NECTIN1: variants seen among roughly 807,000 people sequenced by gnomAD.
NECTIN1 encodes nectin-1.
NECTIN1 carries 23 observed loss-of-function variants against 48.0 expected under a neutral mutation model. The observed-to-expected ratio is 0.48, with a 90% confidence interval of 0.34 to 0.68. The LOEUF (loss-of-function observed/expected upper bound fraction) is 0.68. NECTIN1 is among the 30% of genes least tolerant of loss of function. NECTIN1 has a pLI of 0.01. For synonymous variants in NECTIN1, 270 were observed against 288.9 expected, an observed-to-expected ratio of 0.93 and a Z score of 0.66; for missense variants, 591 against 709.9, an observed-to-expected ratio of 0.83 and a Z score of 1.90.
intron 1 of NECTIN1, among the ~76,000 whole-genome samples, chr11:119,722,472 G>A (rs1865847866): frequency 6.6e-6 from 1 of 152,226 alleles, no homozygotes; most frequent in Admixed American, 6.5e-5. Context: ...AAGAAGGCAG[G>A]GGCTGAGTCC....
intron 1 of NECTIN1, among the ~76,000 whole-genome samples, chr11:119,710,902 A>G (rs1191703751): frequency 6.6e-6 from 1 of 152,198 alleles, no homozygotes; most frequent in East Asian, 1.9e-4. Flanking sequence ...CTTCACACAC[A>G]CATAACCGCA....
chr11:119,703,950 C>T (rs2135573180), intron 1 of NECTIN1, among the ~76,000 whole-genome samples: 1 of 152,320 alleles, frequency 6.6e-6, no homozygotes, highest in South Asian at 2.1e-4. Flanking sequence ...AGAGAGTGGC[C>T]TTTATCATGC....
rs79287643 is a variant in NECTIN1, at chr11:119,712,580, C to A, written c.79+15895G>T. ...AAAAAGAGGGAAACTTCAAAATCTTCAAAAAAAAAGGGGAAGGAGGCAACT... is the reference window on the plus strand; with the variant it reads ...AAAAAGAGGGAAACTTCAAAATCTTAAAAAAAAAAGGGGAAGGAGGCAACT... On this transcript the variant is annotated intron_variant, in intron 1 of 5. Coordinates refer to ENST00000264025, the MANE Select transcript of NECTIN1 (RefSeq NM_002855.5). Among the ~76,000 whole-genome samples, 8 of 150,616 alleles carry A rather than the reference C, an allele frequency of 5.3e-5. No homozygotes were observed. In the South Asian group the frequency reaches 1.7e-3, roughly 32 times the overall value.
chr11:119,648,825 G>T (rs1433771710), intron 5 of NECTIN1, among the ~76,000 whole-genome samples: 1 of 152,064 alleles, frequency 6.6e-6, no homozygotes, highest in Non-Finnish European at 1.5e-5. Flanking sequence ...TTTTCCCTGA[G>T]GGTGGGAATT....
In NECTIN1 at chr11:119,664,639, T is replaced by C. The variant is rs1463961663; in HGVS notation, c.*108A>G. 2 of 1,409,242 alleles carry C rather than the reference T, an allele frequency of 1.4e-6. No individual in the cohort carries two copies. Among genetic ancestry groups the C allele is most frequent in the Non-Finnish European group, 1.8e-6 (2 of 1,089,410 alleles). 87.3% of individuals were successfully genotyped at this position (1,409,242 alleles called of 1,614,324 possible). ...GAGTTCGGGGCTGGCTTTGGGCAGCTGGGCAAGTCTCTGTTCAGCTCCTGG... is the reference window on the plus strand; with the variant it reads ...GAGTTCGGGGCTGGCTTTGGGCAGCCGGGCAAGTCTCTGTTCAGCTCCTGG... On this transcript the variant is annotated 3_prime_UTR_variant, in exon 6 of 6. Transcript: ENST00000264025.
intron 1 of NECTIN1, among the ~76,000 whole-genome samples, chr11:119,717,768 G>T (rs1468167895): frequency 6.6e-6 from 1 of 152,238 alleles, no homozygotes; most frequent in Non-Finnish European, 1.5e-5. Flanking sequence ...GCAGGCACCT[G>T]CAGGCCCGGG....
At chr11:119,710,419 C>G (rs1053434684) in intron 1 of NECTIN1, among the ~76,000 whole-genome samples, 2 of 46 alleles carry the variant, frequency 0.043, no homozygotes, top group African/African-American at 0.1. Context: ...GGGCTATAAA[C>G]ACACACACAC....
At chr11:119,694,250 A>C (rs1175810692) in intron 1 of NECTIN1, among the ~76,000 whole-genome samples, 3 of 152,028 alleles carry the variant, frequency 2.0e-5, no homozygotes, top group Non-Finnish European at 2.9e-5. Flanking sequence ...ACCCAGGGAG[A>C]AGAGGGGTGG....
rs1321292175 is a variant in NECTIN1 at position 119,661,069 on chromosome 11, T to A, written c.*3678A>T. 1 of 980,928 alleles carries A rather than the reference T, an allele frequency of 1.0e-6. No homozygotes were observed. Among genetic ancestry groups the A allele is most frequent in the Non-Finnish European group, 1.2e-6 (1 of 825,646 alleles). The allele number at this position is 980,928 out of a possible 1,614,324, so 60.8% of individuals were successfully genotyped here. A position where few individuals can be genotyped will look rare whatever the true frequency, so the allele number is the denominator to read the frequency against. On this transcript the variant is annotated 3_prime_UTR_variant, in exon 6 of 6. Transcript: ENST00000264025. ...TTTTCAACCCATCATTTTTTTTTAA[T>A]ACAAGTAAAAGGGGGTGATGCAAAC...
chr11:119,669,506 TA>T (rs1244567687), intron 5 of NECTIN1, among the ~76,000 whole-genome samples: 16 of 152,170 alleles, frequency 1.1e-4, no homozygotes, highest in Admixed American at 1.0e-3. Context: ...TCATCTGGAT[TA>T]TTGATTGCAA....
intron 5 of NECTIN1, among the ~76,000 whole-genome samples, chr11:119,649,407 G>C (rs1271355840): frequency 6.6e-6 from 1 of 151,078 alleles, no homozygotes; most frequent in African/African-American, 2.4e-5. Flanking sequence ...AGAAAAAAAG[G>C]CTGGGTGCAG....
At chr11:119,710,913 G>A (rs1865633088) in intron 1 of NECTIN1, among the ~76,000 whole-genome samples, 2 of 152,242 alleles carry the variant, frequency 1.3e-5, no homozygotes, top group Non-Finnish European at 2.9e-5. Flanking sequence ...CATAACCGCA[G>A]ACCTTCCTGG....
In NECTIN1 at chr11:119,677,659, C is replaced by A. The variant is rs142863092; in HGVS notation, c.629G>T (p.Arg210Leu). The A allele has an allele frequency of 1.2e-6, 2 of 1,614,040 alleles. No individual in the cohort carries two copies. Among genetic ancestry groups the A allele is most frequent in the Non-Finnish European group, 1.7e-6 (2 of 1,180,012 alleles). The change falls in exon 3 of 6, where the codon CGC (arginine) becomes CTC (leucine). Residue 210 changes from arginine (R) to leucine (L), a missense_variant. Physicochemically the swap from Arg to Leu is moderately radical, Grantham distance 102. Transcript: ENST00000264025. This position sits in a 1 kb window ranked among gnomAD's most constrained non-coding sequence, Gnocchi z 5.4. The part of the protein sequence containing the change: ...NPNGTVTVIS[R>L]YRLVPSREAH... ...TTCCCTGCTGGGCACCAGGCGGTAG[C>A]GGCTGATGACCGTCACTGTGCCATT...
At position 119,673,082 on chromosome 11, in the gene NECTIN1, C is replaced by T. The variant is rs936538316; in HGVS notation, c.1003+2077G>A. On this transcript the variant is annotated intron_variant, in intron 5 of 5. Coordinates refer to ENST00000264025, the MANE Select transcript of NECTIN1 (RefSeq NM_002855.5). This position sits in a 1 kb window ranked among gnomAD's most constrained non-coding sequence, Gnocchi z 5.8. ...CTCTCGCTCATGCATTCCCTCTGGA[C>T]CAGTGGGGCTTAGAGCAAGGGCATG... Among the ~76,000 whole-genome samples, 1 of 152,244 alleles carries T rather than the reference C, an allele frequency of 6.6e-6. No individual in the cohort carries two copies. The highest frequency in any genetic ancestry group is 1.5e-5 in the Non-Finnish European group (1 of 68,040).
At chr11:119,718,797 C>G (rs1186177676) in intron 1 of NECTIN1, among the ~76,000 whole-genome samples, 1 of 152,214 alleles carries the variant, frequency 6.6e-6, no homozygotes, top group African/African-American at 2.4e-5. Context: ...CAAGACACAA[C>G]AGTGTCTGTG....
chr11:119,671,682 G>A (rs1352446787), intron 5 of NECTIN1, among the ~76,000 whole-genome samples: 2 of 152,196 alleles, frequency 1.3e-5, no homozygotes, highest in Admixed American at 6.5e-5. Flanking sequence ...CCAGCATGCA[G>A]TGCAGCCAGC....
At chr11:119,720,451 C>T (rs561747825) in intron 1 of NECTIN1, among the ~76,000 whole-genome samples, 23 of 152,384 alleles carry the variant, frequency 1.5e-4, no homozygotes, top group African/African-American at 4.3e-4. Context: ...AGCAGATTGG[C>T]GCTCCCATCT....
At chr11:119,651,647 C>T (rs1265221517) in intron 5 of NECTIN1, among the ~76,000 whole-genome samples, 2 of 152,086 alleles carry the variant, frequency 1.3e-5, no homozygotes, top group East Asian at 3.9e-4. Context: ...ACCATGCCCA[C>T]CCCAATCCCC....
At chr11:119,653,241 A>G (rs1199746815) in intron 5 of NECTIN1, among the ~76,000 whole-genome samples, 2 of 152,344 alleles carry the variant, frequency 1.3e-5, no homozygotes, top group South Asian at 2.1e-4. Context: ...GAAAAATAAC[A>G]AAGTACCAAA....
Sources: gnomAD v4.1 joint callset for allele counts (sites outside exome capture counted in the v4.1 genomes callset) on GRCh38, gnomAD v4.1.1 for gene constraint, Gnocchi (gnomAD v3.1) non-coding constraint, MANE v1.5 for transcripts, NCBI Gene and HGNC (gene_info 2026-07-23, HGNC 2026-07-21) for gene names.